The following ETV1 variants were observed in gnomAD, a reference collection of about 807,000 sequenced individuals.
ETV1 encodes ETS variant transcription factor 1, also known as ETS translocation variant 1.
ETV1 carries 27 observed loss-of-function variants against 62.3 expected under a neutral mutation model. That is an observed-to-expected ratio of 0.43 (90% confidence interval 0.32 to 0.60). ETV1 has a LOEUF of 0.60. Among genes scored for constraint, ETV1 ranks in the 20% least tolerant of loss-of-function variants. ETV1 has a pLI of 0.06. For missense variants in ETV1, 605 were observed against 605.8 expected (o/e 1.00, Z 0.01); for synonymous variants, 222 against 199.6 (o/e 1.11, Z -0.94).
intron 9 of ETV1, among the ~76,000 whole-genome samples, chr7:13,914,351 A>C (rs1420697221): frequency 6.6e-6 from 1 of 152,160 alleles, no homozygotes; most frequent in Non-Finnish European, 1.5e-5. Context: ...AAAATGCTCT[A>C]TGACATATTA....
chr7:13,986,058 A>T, intron 5 of ETV1: 267 of 1,106,994 alleles, frequency 2.4e-4, no homozygotes, highest in Non-Finnish European at 3.3e-4. Context: ...CATTTTTAAA[A>T]TCCTCATATC....
chr7:13,909,893 C>T (rs145071294), intron 10 of ETV1, among the ~76,000 whole-genome samples, 193 bp from the exon 11 acceptor site: 9 of 152,112 alleles, frequency 5.9e-5, no homozygotes, highest in African/African-American at 9.7e-5. Context: ...GACAGTAACA[C>T]CACTTATCAT....
At chr7:13,956,118 T>C (rs931952926) in intron 6 of ETV1, among the ~76,000 whole-genome samples, 3 of 152,198 alleles carry the variant, frequency 2.0e-5, no homozygotes, top group African/African-American at 4.8e-5. Context: ...TATGATCTAG[T>C]GATAAAGAAA....
chr7:13,930,801 T>TAGG (rs1786028855), intron 9 of ETV1, among the ~76,000 whole-genome samples: 1 of 150,458 alleles, frequency 6.6e-6, no homozygotes, highest in Non-Finnish European at 1.5e-5. Flanking sequence ...TATATATTTT[T>TAGG]TTTTTTTTGA....
At chr7:13,988,270 A>AT in intron 3 of ETV1, 97 bp from the exon 4 acceptor site, 1 of 731,652 alleles carries the variant, frequency 1.4e-6, no homozygotes, top group Non-Finnish European at 2.4e-6. Flanking sequence ...ACATGCATAC[A>AT]TAAGTCTAAT....
intron 6 of ETV1, among the ~76,000 whole-genome samples, chr7:13,972,610 A>G (rs1194425342): frequency 1.3e-5 from 2 of 152,188 alleles, no homozygotes; most frequent in East Asian, 3.9e-4. Flanking sequence ...TTTCTTCTGG[A>G]TTAAGCACAT....
chr7:13,950,769 T>A (rs1185052708), intron 6 of ETV1, among the ~76,000 whole-genome samples: 1 of 152,122 alleles, frequency 6.6e-6, no homozygotes, highest in Non-Finnish European at 1.5e-5. Context: ...CCAGCCCTGA[T>A]GATCTAACTC....
At chr7:13,938,094 C>T (rs929259536) in intron 7 of ETV1, among the ~76,000 whole-genome samples, 2 of 152,108 alleles carry the variant, frequency 1.3e-5, no homozygotes, top group East Asian at 1.9e-4. Flanking sequence ...TACAGGCATG[C>T]GCCACCATGC....
intron 6 of ETV1, among the ~76,000 whole-genome samples, chr7:13,964,514 T>C (rs1790554401): frequency 6.6e-6 from 1 of 152,180 alleles, no homozygotes; most frequent in African/African-American, 2.4e-5. Flanking sequence ...CGATCATACT[T>C]AATGTGAAAA....
chr7:13,986,378 G>C, intron 5 of ETV1: 1 of 1,486,662 alleles, frequency 6.7e-7, no homozygotes, highest in Non-Finnish European at 8.9e-7. Flanking sequence ...TGAAGTCTTG[G>C]TGCATTAGTT....
chr7:13,957,817 AAG>A (rs1168448538), intron 6 of ETV1, among the ~76,000 whole-genome samples: 8 of 152,316 alleles, frequency 5.3e-5, no homozygotes, highest in Admixed American at 1.3e-4. Context: ...ATGAAGATGA[AAG>A]AGCGCTCTGC....
chr7:13,903,878 T>A (rs1405011555), intron 12 of ETV1, among the ~76,000 whole-genome samples: 1 of 152,144 alleles, frequency 6.6e-6, no homozygotes, highest in African/African-American at 2.4e-5. Flanking sequence ...TTAAAGATTA[T>A]GCGTTTTCTA....
chr7:13,986,568 A>T lies in ETV1; in HGVS notation c.181+70T>A. ...TAATTGGGCTGAATATTAAGACAGC[A>T]AGTTCAGGACTTCTTTTCTTTCTCC... On this transcript the variant is annotated intron_variant, in intron 5 of 13. Transcript: ENST00000430479. 1.9e-6 allele frequency: 3 copies of T among 1,600,518 alleles called. No individual in the cohort carries two copies. In the East Asian group the frequency reaches 6.7e-5, roughly 36 times the overall value.
At chr7:13,930,563 C>T (rs1258791699) in intron 9 of ETV1, among the ~76,000 whole-genome samples, 2 of 151,650 alleles carry the variant, frequency 1.3e-5, no homozygotes, top group Non-Finnish European at 2.9e-5. Context: ...CCTCGTAATC[C>T]GCCCACCTCG....
At chr7:13,943,546 T>C (rs1787803172) in intron 6 of ETV1, among the ~76,000 whole-genome samples, 1 of 152,186 alleles carries the variant, frequency 6.6e-6, no homozygotes, top group Non-Finnish European at 1.5e-5. Context: ...GTGCATATGT[T>C]CATGAAAAGA....
intron 6 of ETV1, among the ~76,000 whole-genome samples, chr7:13,970,677 A>C (rs2128493042): frequency 6.6e-6 from 1 of 152,270 alleles, no homozygotes; most frequent in East Asian, 1.9e-4. Context: ...AAAGTTTTCA[A>C]AATTAGTAAT....
intron 9 of ETV1, among the ~76,000 whole-genome samples, chr7:13,922,002 T>A (rs1434389432): frequency 6.6e-6 from 1 of 152,146 alleles, no homozygotes; most frequent in Non-Finnish European, 1.5e-5. Flanking sequence ...TTTAAAATAA[T>A]TGTAATATGT....
chr7:13,944,357 G>T (rs1473604561), intron 6 of ETV1, among the ~76,000 whole-genome samples: 3 of 152,262 alleles, frequency 2.0e-5, no homozygotes, highest in South Asian at 2.1e-4. Flanking sequence ...TCACTTCCTG[G>T]TTCACAGATA....
At chr7:13,944,807 A>G (rs770769211) in intron 6 of ETV1, among the ~76,000 whole-genome samples, 1 of 152,204 alleles carries the variant, frequency 6.6e-6, no homozygotes, top group Non-Finnish European at 1.5e-5. Flanking sequence ...AATTAACATA[A>G]GATCATTAAG....
Sources: gnomAD v4.1 joint callset for allele counts (sites outside exome capture counted in the v4.1 genomes callset) on GRCh38, gnomAD v4.1.1 for gene constraint, MANE v1.5 for transcripts, NCBI Gene and HGNC (gene_info 2026-07-23, HGNC 2026-07-21) for gene names.